The following PHF24 variants were observed in gnomAD, a reference collection of about 807,000 sequenced individuals.
PHF24 encodes the protein PHD finger protein 24.
A neutral mutation model predicts 42.6 loss-of-function variants in PHF24; 25 were observed. The observed-to-expected ratio is 0.59, with a 90% confidence interval of 0.43 to 0.82. PHF24 has a LOEUF of 0.82. Among genes scored for constraint, PHF24 ranks in the 40% least tolerant of loss-of-function variants. The pLI is 0.00. For synonymous variants in PHF24, 185 were observed against 204.8 expected (o/e 0.90, Z 0.83); for missense variants, 470 against 538.1 (o/e 0.87, Z 1.25).
the PHF24 span, among the ~76,000 whole-genome samples, chr9:34,892,370 C>T: frequency 6.6e-6 from 1 of 152,188 alleles, no homozygotes; most frequent in African/African-American, 2.4e-5. Flanking sequence ...TTAGAGATAG[C>T]ATTCAGAGTG....
At chr9:34,833,718 C>T in the PHF24 span, 1 of 1,535,276 alleles carries the variant, frequency 6.5e-7, no homozygotes, top group Non-Finnish European at 8.8e-7. Flanking sequence ...GTTCCTTTTA[C>T]TGGCACTGCA....
chr9:34,674,935 C>T, the PHF24 span, among the ~76,000 whole-genome samples: 2 of 152,108 alleles, frequency 1.3e-5, no homozygotes, highest in Non-Finnish European at 2.9e-5. Flanking sequence ...GGCGTGATCT[C>T]GGCTCACTGT....
At chr9:34,772,049 T>C in the PHF24 span, among the ~76,000 whole-genome samples, 1 of 152,240 alleles carries the variant, frequency 6.6e-6, no homozygotes, top group African/African-American at 2.4e-5. Context: ...TGATTCTTAA[T>C]TCTGAACATT....
the PHF24 span, among the ~76,000 whole-genome samples, chr9:34,783,456 C>G: frequency 2.0e-5 from 3 of 152,114 alleles, no homozygotes; most frequent in Non-Finnish European, 4.4e-5. Context: ...GACCTCTTTT[C>G]TTTTTTCACC....
chr9:34,841,976 T>G, the PHF24 span, among the ~76,000 whole-genome samples: 4 of 152,218 alleles, frequency 2.6e-5, no homozygotes, highest in African/African-American at 9.6e-5. Context: ...GCTTTGTAAT[T>G]GTTTTTCCCT....
At chr9:34,694,998 G>C in the PHF24 span, among the ~76,000 whole-genome samples, 1 of 152,146 alleles carries the variant, frequency 6.6e-6, no homozygotes, top group Non-Finnish European at 1.5e-5. Flanking sequence ...GGAATCTTGG[G>C]AGAGATTGTG....
the PHF24 span, among the ~76,000 whole-genome samples, chr9:34,871,638 G>A: frequency 6.6e-6 from 1 of 152,062 alleles, no homozygotes; most frequent in Non-Finnish European, 1.5e-5. Context: ...TCTGTGTCTA[G>A]GTTCATTTTT....
At chr9:34,948,144 G>T in the PHF24 span, among the ~76,000 whole-genome samples, 1 of 151,508 alleles carries the variant, frequency 6.6e-6, no homozygotes, top group Non-Finnish European at 1.5e-5. Context: ...ATAGGAAAAA[G>T]TTTATAGAGT....
chr9:34,758,035 C>T, the PHF24 span, among the ~76,000 whole-genome samples: 13 of 152,244 alleles, frequency 8.5e-5, no homozygotes, highest in South Asian at 2.5e-3. The surrounding 1 kb of genome is among the most constrained non-coding windows in gnomAD (Gnocchi z 4.4). Context: ...CTGAGGGCAG[C>T]CCACAGGGCT....
the PHF24 span, among the ~76,000 whole-genome samples, chr9:34,717,209 T>A: frequency 2.0e-5 from 3 of 152,024 alleles, no homozygotes; most frequent in African/African-American, 7.3e-5. Flanking sequence ...AAAACTATGA[T>A]TTAGAGTTTT....
chr9:34,856,084 C>A, the PHF24 span, among the ~76,000 whole-genome samples: 3 of 152,128 alleles, frequency 2.0e-5, no homozygotes, highest in African/African-American at 7.2e-5. Context: ...TTTGTGATTG[C>A]ATTATGAAGT....
At chr9:34,796,421 T>TA in the PHF24 span, among the ~76,000 whole-genome samples, 26 of 117,156 alleles carry the variant, frequency 2.2e-4, no homozygotes, top group Non-Finnish European at 4.3e-4. Context: ...GTTAAAAAAT[T>TA]TAAAAAAAAA....
chr9:34,770,208 C>T, the PHF24 span, among the ~76,000 whole-genome samples: 1 of 152,002 alleles, frequency 6.6e-6, no homozygotes, highest in African/African-American at 2.4e-5. Context: ...CCCAATGATC[C>T]AACAGAAAAA....
chr9:34,778,388 T>C, the PHF24 span, among the ~76,000 whole-genome samples: 1 of 152,190 alleles, frequency 6.6e-6, no homozygotes, highest in Non-Finnish European at 1.5e-5. Context: ...AGATGTATTA[T>C]AGACAAAGGT....
intron 1 of PHF24, among the ~76,000 whole-genome samples, chr9:34,970,620 C>T (rs1211459853): frequency 6.6e-6 from 1 of 152,214 alleles, no homozygotes; most frequent in Non-Finnish European, 1.5e-5. Flanking sequence ...TTCATGGCAC[C>T]TACTGAAGGA....
At chr9:34,948,265 T>C in the PHF24 span, among the ~76,000 whole-genome samples, 1 of 152,294 alleles carries the variant, frequency 6.6e-6, no homozygotes, top group East Asian at 1.9e-4. Context: ...TGTATAAAGT[T>C]AAAAAGTTAC....
chr9:34,710,145 TG>T, the PHF24 span: 1 of 1,170,410 alleles, frequency 8.5e-7, no homozygotes, highest in Non-Finnish European at 1.3e-6. Context: ...GTGCGTGGGC[TG>T]GGATTGGCCT....
chr9:34,729,518 C>T, the PHF24 span: 1 of 1,372,504 alleles, frequency 7.3e-7, no homozygotes, highest in South Asian at 1.6e-5. Context: ...TAGGCCTTGT[C>T]ATGTCCACCT....
chr9:34,947,828 G>C, the PHF24 span, among the ~76,000 whole-genome samples: 1 of 152,160 alleles, frequency 6.6e-6, no homozygotes, highest in Admixed American at 6.5e-5. Flanking sequence ...GAAAAAGTTG[G>C]CTGGGCGCGG....
Sources: gnomAD v4.1 joint callset for allele counts (sites outside exome capture counted in the v4.1 genomes callset) on GRCh38, gnomAD v4.1.1 for gene constraint, Gnocchi (gnomAD v3.1) non-coding constraint, MANE v1.5 for transcripts, NCBI Gene and HGNC (gene_info 2026-07-23, HGNC 2026-07-21) for gene names.